GPR158: variants seen among roughly 807,000 people sequenced by gnomAD.
GPR158 encodes the protein G protein-coupled receptor 158.
GPR158 carries 30 observed loss-of-function variants against 78.2 expected under a neutral mutation model. That is an observed-to-expected ratio of 0.38 (90% CI 0.29 to 0.52). GPR158 has a LOEUF of 0.52. Ranked by LOEUF, GPR158 falls within the 20% of genes least tolerant of loss-of-function variation. The pLI is 0.83. For missense variants in GPR158, 1,463 were observed against 1,523.5 expected, an observed-to-expected ratio of 0.96 and a Z score of 0.66; for synonymous variants, 581 against 591.1, an observed-to-expected ratio of 0.98 and a Z score of 0.25.
chr10:25,206,976 C>A (rs1853048826), intron 1 of GPR158, among the ~76,000 whole-genome samples: 1 of 151,274 alleles, frequency 6.6e-6, no homozygotes, highest in Non-Finnish European at 1.5e-5. Flanking sequence ...TGTCAGTTCC[C>A]ACTTTTGCCC....
intron 2 of GPR158, among the ~76,000 whole-genome samples, chr10:25,360,282 T>C (rs532673982): frequency 2.0e-5 from 3 of 152,354 alleles, no homozygotes; most frequent in Non-Finnish European, 4.4e-5. Context: ...ATTTTGGCTT[T>C]TGTTGCCATT....
At chr10:25,506,951 G>A (rs1588891136) in intron 5 of GPR158, among the ~76,000 whole-genome samples, 1 of 152,182 alleles carries the variant, frequency 6.6e-6, no homozygotes, top group South Asian at 2.1e-4. Context: ...ATTCATCAAA[G>A]TCTATGACAC....
Position 25,176,139 on chromosome 10 carries a change from A to G in GPR158, c.719A>G (p.Asn240Ser), listed in dbSNP as rs375465506. 160 of 1,572,208 alleles carry G rather than the reference A, an allele frequency of 1.0e-4. No homozygotes were observed. Among genetic ancestry groups the G allele is most frequent in the Middle Eastern group, 1.7e-4 (1 of 5,910 alleles). The part of the protein sequence containing the change: ...WRPHLHRRGP[N>S]QGPRGLGHSW... ...CCCCACTTACACCGCCGCGGCCCCA[A>G]TCAGGGGCCCCGGGGCCTGGGCCAC... The change falls in exon 1 of 11, where the codon AAT becomes AGT. Residue 240 changes from asparagine (N) to serine (S), a missense_variant. Coordinates refer to ENST00000376351, the MANE Select transcript of GPR158 (RefSeq NM_020752.3). The surrounding 1 kb of genome is among the most constrained non-coding windows in gnomAD (Gnocchi z 6.3).
intron 2 of GPR158, chr10:25,393,715 T>C (rs1045294573): frequency 1.3e-5 from 2 of 152,148 alleles, no homozygotes; most frequent in Admixed American, 1.3e-4. Context: ...ACCTAGCAAG[T>C]AGCTTCAGGA....
intron 5 of GPR158, among the ~76,000 whole-genome samples, chr10:25,540,687 C>T (rs1836567106): frequency 1.3e-5 from 2 of 151,432 alleles, no homozygotes; most frequent in Admixed American, 1.3e-4. Context: ...CAAACTATCA[C>T]AAGGACAAAA....
chr10:25,386,674 A>G (rs1402968403), intron 2 of GPR158, among the ~76,000 whole-genome samples: 1 of 151,970 alleles, frequency 6.6e-6, no homozygotes, highest in African/African-American at 2.4e-5. Context: ...CTTCTTGGTT[A>G]CTCCTAATCA....
intron 2 of GPR158, among the ~76,000 whole-genome samples, chr10:25,365,123 G>A (rs997502233): frequency 6.6e-6 from 1 of 151,560 alleles, no homozygotes; most frequent in African/African-American, 2.4e-5. Context: ...AGTTAACTAA[G>A]GACATATATA....
At chr10:25,222,206 T>C (rs1287728837) in intron 2 of GPR158, among the ~76,000 whole-genome samples, 1 of 151,974 alleles carries the variant, frequency 6.6e-6, no homozygotes. Context: ...CACATACCCC[T>C]GTACTCCCAC....
intron 2 of GPR158, among the ~76,000 whole-genome samples, chr10:25,271,225 G>C (rs1240463249): frequency 6.6e-6 from 1 of 152,104 alleles, no homozygotes; most frequent in Non-Finnish European, 1.5e-5. Context: ...GACTAGGTTT[G>C]TTATCCCTGT....
chr10:25,558,287 T>C (rs778944075), intron 6 of GPR158, among the ~76,000 whole-genome samples: 1 of 152,262 alleles, frequency 6.6e-6, no homozygotes, highest in Non-Finnish European at 1.5e-5. Context: ...AATGCAGAAT[T>C]AGTACTTAGC....
At chr10:25,344,761 T>C (rs1319585469) in intron 2 of GPR158, among the ~76,000 whole-genome samples, 1 of 151,954 alleles carries the variant, frequency 6.6e-6, no homozygotes, top group Non-Finnish European at 1.5e-5. Context: ...GTTCATATGT[T>C]AGTTTGGGCT....
intron 2 of GPR158, among the ~76,000 whole-genome samples, chr10:25,319,177 T>C (rs74810104): frequency 0.015 from 2,337 of 152,258 alleles, 67 homozygotes; most frequent in African/African-American, 0.053. Flanking sequence ...TCCTTACTCA[T>C]TTTTCAAGAC....
chr10:25,436,000 T>TG (rs1360087107), intron 4 of GPR158, among the ~76,000 whole-genome samples: 1 of 151,784 alleles, frequency 6.6e-6, no homozygotes, highest in Non-Finnish European at 1.5e-5. Flanking sequence ...GGGTGAAGAG[T>TG]GGGACTACTT....
intron 4 of GPR158, among the ~76,000 whole-genome samples, chr10:25,419,336 C>A (rs1462084856): frequency 1.3e-5 from 2 of 152,114 alleles, no homozygotes; most frequent in African/African-American, 4.8e-5. Flanking sequence ...CTGATTTCTT[C>A]TTGATGATGA....
intron 2 of GPR158, among the ~76,000 whole-genome samples, chr10:25,249,101 A>G (rs1229027672): frequency 6.6e-6 from 1 of 151,906 alleles, no homozygotes; most frequent in Non-Finnish European, 1.5e-5. Context: ...TTCACTCATG[A>G]TTTGGCTCTC....
At chr10:25,223,383 G>C (rs1310864457) in intron 2 of GPR158, among the ~76,000 whole-genome samples, 1 of 152,122 alleles carries the variant, frequency 6.6e-6, no homozygotes, top group Non-Finnish European at 1.5e-5. Context: ...AGGCCCTCAT[G>C]GGGTAGTCTT....
chr10:25,338,610 A>ACATATTATATATATTATTATATAT (rs1211442038), intron 2 of GPR158, among the ~76,000 whole-genome samples: 1 of 50,020 alleles, frequency 2.0e-5, no homozygotes, highest in Non-Finnish European at 1.3e-4. Flanking sequence ...TTATATATAA[A>ACATATTATATATATTATTATATAT]AAATCATATA....
chr10:25,346,430 T>C (rs1855372517), intron 2 of GPR158, among the ~76,000 whole-genome samples: 1 of 151,892 alleles, frequency 6.6e-6, no homozygotes, highest in Non-Finnish European at 1.5e-5. Flanking sequence ...CAAACATTTT[T>C]CTCTTATACC....
chr10:25,383,988 T>A (rs931451264), intron 2 of GPR158, among the ~76,000 whole-genome samples: 1 of 152,226 alleles, frequency 6.6e-6, no homozygotes, highest in Non-Finnish European at 1.5e-5. Flanking sequence ...ATGGAAATAA[T>A]AACAGAGTTG....
Sources: gnomAD v4.1 joint callset for allele counts (sites outside exome capture counted in the v4.1 genomes callset) on GRCh38, gnomAD v4.1.1 for gene constraint, Gnocchi (gnomAD v3.1) non-coding constraint, MANE v1.5 for transcripts, NCBI Gene and HGNC (gene_info 2026-07-23, HGNC 2026-07-21) for gene names.